The following ANO3 variants were observed in gnomAD, a reference collection of about 807,000 sequenced individuals.
ANO3 encodes anoctamin 3, also known as anoctamin-3.
In ANO3, 99 loss-of-function variants were observed where a neutral mutation model predicts 144.8. The observed-to-expected ratio is 0.68, with a 90% CI of 0.58 to 0.81. The LOEUF is 0.81. ANO3 is among the 30% of genes least tolerant of loss of function. The pLI is 0.00. For missense variants in ANO3, 905 were observed against 1,202.2 expected (o/e 0.75, Z 3.66); for synonymous variants, 414 against 392.6 (o/e 1.05, Z -0.64).
intron 1 of ANO3, among the ~76,000 whole-genome samples, chr11:26,364,508 C>A (rs1184704697): frequency 6.6e-6 from 1 of 152,134 alleles, no homozygotes; most frequent in Non-Finnish European, 1.5e-5. Context: ...CATCTGCAGG[C>A]TTTACAGGAA....
intron 1 of ANO3, among the ~76,000 whole-genome samples, chr11:26,217,768 A>G (rs1852063076): frequency 1.3e-5 from 2 of 152,040 alleles, no homozygotes; most frequent in African/African-American, 2.4e-5. Flanking sequence ...TAAAATTTAA[A>G]CATTTTAAAT....
rs565185168 is a variant in ANO3 at position 26,654,426 on chromosome 11, T to C, written c.2577-1699T>C. 1.1e-4 allele frequency among the ~76,000 whole-genome samples: 17 copies of C among 152,266 alleles called. No individual in the cohort carries two copies. In the South Asian group the frequency reaches 3.5e-3, roughly 32 times the overall value. On this transcript the variant is annotated intron_variant, in intron 24 of 26. Transcript: ENST00000256737. The stretch of plus-strand genomic sequence containing the variant: ...TTTATTTTCTTTTGTTTGCTGCTAG[T>C]ATATAGAAATATTTTTCTATATTGA...
chr11:26,456,044 C>T (rs1371178871), intron 3 of ANO3, among the ~76,000 whole-genome samples: 2 of 151,418 alleles, frequency 1.3e-5, no homozygotes, highest in African/African-American at 4.8e-5. Flanking sequence ...AAACTGGATC[C>T]CTTCCTTACA....
intron 11 of ANO3, among the ~76,000 whole-genome samples, chr11:26,543,595 C>G (rs1325501522): frequency 6.6e-6 from 1 of 152,078 alleles, no homozygotes; most frequent in African/African-American, 2.4e-5. Context: ...TCTCCTGATG[C>G]TATCCCTCCT....
rs1163002096 is a variant in ANO3, at chr11:26,656,285, CTG to C, written c.2657+82_2657+83del. On this transcript the variant is annotated intron_variant, in intron 25 of 26. Coordinates refer to ENST00000256737, the MANE Select transcript of ANO3 (RefSeq NM_031418.4). The stretch of plus-strand genomic sequence containing the variant: ...CTGCATGTTAATGAGGACATTTAAA[CTG>C]TTATTTTGGCATTTTGGCAAATCAA... 5.4e-6 allele frequency: 8 copies of C among 1,486,062 alleles called. No individual in the cohort carries two copies. The African/African-American group carries it at 8.3e-5, about 15-fold the overall frequency. The allele number at this position is 1,486,062 out of a possible 1,614,324, so 92.1% of individuals were successfully genotyped here. A position where few individuals can be genotyped will look rare whatever the true frequency, so the allele number is the denominator to read the frequency against.
At chr11:26,500,452 G>A (rs10834986) in intron 4 of ANO3, among the ~76,000 whole-genome samples, 90,961 of 151,806 alleles carry the variant, frequency 0.6, 27,924 homozygotes, top group East Asian at 0.68. Flanking sequence ...CCATATCCTC[G>A]TCAATACTTA....
chr11:26,419,035 T>C (rs1857676107), intron 1 of ANO3, among the ~76,000 whole-genome samples: 2 of 152,154 alleles, frequency 1.3e-5, no homozygotes, highest in African/African-American at 2.4e-5. Context: ...TGGCTCATTG[T>C]TCTGCAGGCT....
At chr11:26,218,425 T>G (rs1852076659) in intron 1 of ANO3, among the ~76,000 whole-genome samples, 1 of 152,084 alleles carries the variant, frequency 6.6e-6, no homozygotes. Context: ...CCTACTCTTG[T>G]TGGACCAATA....
At chr11:26,563,128 T>G (rs755251943) in intron 14 of ANO3, 1 of 1,611,830 alleles carries the variant, frequency 6.2e-7, no homozygotes, top group Admixed American at 1.7e-5. Context: ...GGTTCATTTC[T>G]GTCGTCATAA....
In ANO3 at chr11:26,237,281, A is replaced by G. The variant is rs950521620; in HGVS notation, c.154+47951A>G. On this transcript the variant is annotated intron_variant, in intron 1 of 27. Transcript: ENST00000672621. ...CTTTTGTAACCTGCAAAATTTTTAC[A>G]TCTGAAATAAGGTAAGCTTCAAATA... Among the ~76,000 whole-genome samples, 12 of 152,192 alleles carry G rather than the reference A, an allele frequency of 7.9e-5. No individual in the cohort carries two copies. The South Asian group carries it at 2.5e-3, about 31-fold the overall frequency.
At chr11:26,640,952 C>A (rs1853129691) in intron 21 of ANO3, among the ~76,000 whole-genome samples, 1 of 152,304 alleles carries the variant, frequency 6.6e-6, no homozygotes, top group Middle Eastern at 3.4e-3. Flanking sequence ...ACCTCCACTG[C>A]CTGACGTTTG....
At chr11:26,649,411 G>A (rs1290480787) in intron 24 of ANO3, among the ~76,000 whole-genome samples, 1 of 152,084 alleles carries the variant, frequency 6.6e-6, no homozygotes, top group Non-Finnish European at 1.5e-5. Context: ...TTAGTAAAAG[G>A]CATGTCATTA....
At chr11:26,202,304 T>G (rs1485434698) in intron 1 of ANO3, among the ~76,000 whole-genome samples, 1 of 144,444 alleles carries the variant, frequency 6.9e-6, no homozygotes, top group East Asian at 1.9e-4. Flanking sequence ...AGATACATAT[T>G]ATATATATCA....
Position 26,257,596 on chromosome 11 carries a change from A to C in ANO3, c.155-52049A>C, listed in dbSNP as rs559912459. ...GCATCAAAGTTATGAAATCAATAAA[A>C]GTACTTTAAAATTTTAAAGTACCAT... On this transcript the variant is annotated intron_variant, in intron 1 of 27. Transcript: ENST00000672621. Among the ~76,000 whole-genome samples the C allele has an allele frequency of 4.3e-3, 658 of 152,272 alleles. 4 individuals carry two copies. The highest frequency in any genetic ancestry group is 0.015 in the African/African-American group (627 of 41,572).
intron 4 of ANO3, among the ~76,000 whole-genome samples, chr11:26,478,726 G>A (rs1509170): frequency 0.53 from 79,813 of 151,906 alleles, 22,222 homozygotes; most frequent in East Asian, 0.66. Flanking sequence ...CTTGGAGGCA[G>A]TTTTGTCTGT....
At chr11:26,522,910 C>G (rs1378319537) in intron 6 of ANO3, among the ~76,000 whole-genome samples, 1 of 152,084 alleles carries the variant, frequency 6.6e-6, no homozygotes, top group Non-Finnish European at 1.5e-5. Context: ...CTATTGTAAG[C>G]GTGTTCTCAA....
At chr11:26,242,438 T>C (rs1409530643) in intron 1 of ANO3, among the ~76,000 whole-genome samples, 1 of 152,182 alleles carries the variant, frequency 6.6e-6, no homozygotes, top group African/African-American at 2.4e-5. Flanking sequence ...CGTTATGAAA[T>C]ATTTCCCTCA....
intron 1 of ANO3, among the ~76,000 whole-genome samples, chr11:26,262,137 T>C (rs923670311): frequency 2.0e-5 from 3 of 152,246 alleles, no homozygotes; most frequent in African/African-American, 7.2e-5. Flanking sequence ...CAAGACCTTA[T>C]GACATTGCCC....
chr11:26,352,149 G>C (rs1781921468), intron 1 of ANO3, among the ~76,000 whole-genome samples: 1 of 152,154 alleles, frequency 6.6e-6, no homozygotes, highest in Non-Finnish European at 1.5e-5. Context: ...TAGTAACTGG[G>C]TCTAGAGGCA....
Sources: allele counts gnomAD v4.1 joint callset (sites outside exome capture counted in the v4.1 genomes callset), GRCh38; gene constraint gnomAD v4.1.1; transcripts MANE v1.5; gene names NCBI Gene and HGNC (gene_info 2026-07-23, HGNC 2026-07-21).